Variants in RPE65 observed in about 807,000 individuals in gnomAD.
The protein encoded by RPE65 is retinoid isomerohydrolase RPE65, also known as retinoid isomerohydrolase.
A neutral mutation model predicts 68.5 loss-of-function variants in RPE65; 58 were observed. The observed-to-expected ratio is 0.85, with a 90% CI of 0.69 to 1.05. RPE65 has a LOEUF of 1.05. Among genes scored for constraint, RPE65 ranks in the 50% least tolerant of loss-of-function variants. RPE65 has a pLI of 0.00. For missense variants in RPE65, 643 were observed against 629.9 expected (o/e 1.02, Z -0.22); for synonymous variants, 220 against 222.2 (o/e 0.99, Z 0.09).
chr1:68,432,418 G>A (rs556633702), intron 10 of RPE65, among the ~76,000 whole-genome samples: 54 of 152,196 alleles, frequency 3.5e-4, no homozygotes, highest in African/African-American at 1.3e-3. Context: ...TAGATGGTTC[G>A]GGTAGGTCTC....
intron 10 of RPE65, among the ~76,000 whole-genome samples, chr1:68,433,179 TA>T (rs552990468): frequency 6.6e-6 from 1 of 152,252 alleles, no homozygotes; most frequent in South Asian, 2.1e-4. Flanking sequence ...GCTAAAAATG[TA>T]AATGAATAAG....
At chr1:68,443,015 A>G (rs1265233492) in intron 5 of RPE65, among the ~76,000 whole-genome samples, 3 of 152,102 alleles carry the variant, frequency 2.0e-5, no homozygotes, top group Non-Finnish European at 4.4e-5. Flanking sequence ...TCTCCCAGCT[A>G]TACTGTATCT....
At chr1:68,433,149 A>G (rs1328416499) in intron 10 of RPE65, among the ~76,000 whole-genome samples, 1 of 152,170 alleles carries the variant, frequency 6.6e-6, no homozygotes, top group African/African-American at 2.4e-5. Flanking sequence ...AGCAGGTAAG[A>G]ACCTTGAGTT....
In RPE65 at chr1:68,444,587, T is replaced by C; in HGVS notation, c.439A>G (p.Thr147Ala). The change falls in exon 5 of 14, where the codon ACA (threonine) becomes GCA (alanine). Residue 147 changes from threonine to alanine, a missense_variant. Coordinates refer to ENST00000262340, the MANE Select transcript of RPE65 (RefSeq NM_000329.3). ...YPVGEDYYACTETNFITKINP... is the reference protein window; with the variant it reads ...YPVGEDYYACAETNFITKINP... Reference sequence around the variant, plus strand: ...ATCTTTGTAATAAAGTTGGTCTCTGTGCAAGCGTAGTAATCTTCCCCCACT... The same window carrying C: ...ATCTTTGTAATAAAGTTGGTCTCTGCGCAAGCGTAGTAATCTTCCCCCACT... 6.2e-7 allele frequency: 1 copy of C among 1,614,180 alleles called. No homozygotes were observed.
rs2100827290 is a variant in RPE65, at chr1:68,444,471, T to G, written c.495+60A>C. 3 of 1,592,212 alleles carry G rather than the reference T, an allele frequency of 1.9e-6. No homozygotes were observed. In the Admixed American group the frequency reaches 5.0e-5, roughly 27 times the overall value. On this transcript the variant is annotated intron_variant, in intron 5 of 13. Transcript: ENST00000262340. ...CATTCGCAGCATGAATAATTTATGT[T>G]GAATTAATTTTAAGTTCCAAATTCT...
In RPE65 at chr1:68,439,196, T is replaced by G; in HGVS notation, c.853A>C (p.Met285Leu). 6.2e-7 allele frequency: 1 copy of G among 1,614,074 alleles called. No homozygotes were observed. Among genetic ancestry groups the G allele is most frequent in the Non-Finnish European group, 8.5e-7 (1 of 1,179,968 alleles). ...CAAATATATCTAAGACTTACCCCCA[T>G]GGTTTCATTGGACTCAAAACAATCC... ...YMDCFESNETMGVWLHIADKK... is the reference protein window; with the variant it reads ...YMDCFESNETLGVWLHIADKK... The change falls in exon 8 of 14, where the codon ATG becomes CTG. Residue 285 changes from methionine (M) to leucine (L), a missense_variant. Coordinates refer to ENST00000262340, the MANE Select transcript of RPE65 (RefSeq NM_000329.3).
rs990734859 is a variant in RPE65, at chr1:68,428,931, CAA to C, written c.*843_*844del. ...AATGTTAATAATTTAATATTTTTCC[CAA>C]GTGATTGCACAATGCTTAAATACAA... On this transcript the variant is annotated 3_prime_UTR_variant, in exon 14 of 14. Coordinates refer to ENST00000262340, the MANE Select transcript of RPE65 (RefSeq NM_000329.3). 2.6e-5 allele frequency: 4 copies of C among 151,896 alleles called. No individual in the cohort carries two copies. Among genetic ancestry groups the C allele is most frequent in the African/African-American group, 9.7e-5 (4 of 41,366 alleles). The allele number at this position is 151,896 out of a possible 1,614,324, so 9.4% of individuals were successfully genotyped here.
intron 6 of RPE65, 38 bp downstream of exon 6, chr1:68,440,815 A>G: frequency 6.2e-7 from 1 of 1,610,264 alleles, no homozygotes; most frequent in Non-Finnish European, 8.5e-7. Flanking sequence ...CACAATATAG[A>G]CACTTATTTT....
At chr1:68,430,957 G>A (rs546436424) in intron 13 of RPE65, 108 bp downstream of exon 13, 1 of 838,082 alleles carries the variant, frequency 1.2e-6, no homozygotes, top group East Asian at 2.6e-5. Flanking sequence ...TAGTATTAAG[G>A]ATCGTTTTTG....
rs183726660 is a variant in RPE65 at position 68,440,236 on chromosome 1, G to A, written c.644-594C>T. On this transcript the variant is annotated intron_variant, in intron 6 of 13. Coordinates refer to ENST00000262340, the MANE Select transcript of RPE65 (RefSeq NM_000329.3). ...TCCTAGGTGATGGTCTTGGTCCAAG[G>A]ACTACACTTTGAGAACTGTACTAAA... Among the ~76,000 whole-genome samples, 192 of 152,184 alleles carry A rather than the reference G, an allele frequency of 1.3e-3. No homozygotes were observed. The South Asian group carries it at 0.016, about 12-fold the overall frequency.
Position 68,431,052 on chromosome 1 carries a change from T to C in RPE65, c.1450+13A>G, listed in dbSNP as rs371783875. The C allele has an allele frequency of 5.6e-6, 9 of 1,599,772 alleles. No individual in the cohort carries two copies. Among genetic ancestry groups the C allele is most frequent in the South Asian group, 3.3e-5 (3 of 90,784 alleles). The stretch of plus-strand genomic sequence containing the variant: ...TAAGAAGAGTATTCAGACACAACAA[T>C]TGCTTTCATTACCATCATCTTCTTC... On this transcript the variant is annotated intron_variant, in intron 13 of 13. Transcript: ENST00000262340.
At chr1:68,443,938 T>C (rs557217664) in intron 5 of RPE65, among the ~76,000 whole-genome samples, 1 of 152,326 alleles carries the variant, frequency 6.6e-6, no homozygotes, top group African/African-American at 2.4e-5. Context: ...TTATTTCTAA[T>C]AAGAAGTATC....
rs780321185 is a variant in RPE65, at chr1:68,431,534, T to C, written c.1180A>G (p.Ile394Val). Reference sequence around the variant, plus strand: ...CAGATAGTCTCGTCACTGCACAGAATTGCAGTGGCAGTTGTATTGGGGAGC... The same window carrying C: ...CAGATAGTCTCGTCACTGCACAGAACTGCAGTGGCAGTTGTATTGGGGAGC... ...VTLPNTTATA[I>V]LCSDETIWLE... is the part of the protein sequence containing the mutation. The change falls in exon 11 of 14, where the codon ATT (isoleucine) becomes GTT (valine). Residue 394 changes from isoleucine (I) to valine (V), a missense_variant. Transcript: ENST00000262340. The C allele has an allele frequency of 3.1e-5, 50 of 1,613,936 alleles. No individual in the cohort carries two copies. The highest frequency in any genetic ancestry group is 4.1e-5 in the Non-Finnish European group (48 of 1,179,888).
chr1:68,449,686 G>C (rs529971430), intron 1 of RPE65, among the ~76,000 whole-genome samples: 3 of 151,996 alleles, frequency 2.0e-5, no homozygotes, highest in South Asian at 4.2e-4. Flanking sequence ...TCCAAACCCC[G>C]GGCTAAGTCA....
Position 68,439,011 on chromosome 1 carries a change from T to A in RPE65, c.929A>T (p.Asn310Ile). The change falls in exon 9 of 14, where the codon AAC becomes ATC. Residue 310 changes from asparagine (N) to isoleucine (I), a missense_variant. Physicochemically the swap from Asn to Ile is moderately radical, Grantham distance 149 (BLOSUM62 -3). Coordinates refer to ENST00000262340, the MANE Select transcript of RPE65 (RefSeq NM_000329.3). ...ATAGGTGTTGATGTGATGGAAGAGG[T>A]TGAAAGGAGAAGTTCTGTATTTATT... The part of the protein sequence containing the change: ...LNNKYRTSPF[N>I]LFHHINTYED... 1 of 1,614,026 alleles carries A rather than the reference T, an allele frequency of 6.2e-7. No homozygotes were observed. Among genetic ancestry groups the A allele is most frequent in the Non-Finnish European group, 8.5e-7 (1 of 1,179,954 alleles).
At position 68,431,578 on chromosome 1, in the gene RPE65, G is replaced by A; in HGVS notation, c.1136C>T (p.Thr379Ile). 6.2e-7 allele frequency: 1 copy of A among 1,613,372 alleles called. No individual in the cohort carries two copies. Among genetic ancestry groups the A allele is most frequent in the Non-Finnish European group, 8.5e-7 (1 of 1,179,482 alleles). The change falls in exon 11 of 14, where the codon ACA becomes ATA. Residue 379 changes from threonine (T) to isoleucine (I), a missense_variant. Thr to Ile is a moderately conservative substitution (Grantham distance 89). Transcript: ENST00000262340. ...VLPLNIDKADTGKNLVTLPNT... is the reference protein window; with the variant it reads ...VLPLNIDKADIGKNLVTLPNT... ...GGGGAGCGTGACTAAATTCTTGCCT[G>A]TGTCAGCCTAGGAGAGAAGATAACA...
chr1:68,444,669 A>C lies in RPE65; in HGVS notation c.357T>G (p.Phe119Leu). ...PDPCKNIFSR[F>L]FSYFRGVEVT... is the part of the protein sequence containing the mutation. ...CCTCTACTCCTCGAAAGTAAGAAAA[A>C]AACCTGTAGAAACAAATGAATTTTT... The change falls in exon 5 of 14, where the codon TTT becomes TTG. Residue 119 changes from phenylalanine (F) to leucine (L), a missense_variant. Physicochemically the swap from Phe to Leu is conservative, Grantham distance 22. Transcript: ENST00000262340. 6.2e-7 allele frequency: 1 copy of C among 1,614,200 alleles called. No individual in the cohort carries two copies. Among genetic ancestry groups the C allele is most frequent in the Non-Finnish European group, 8.5e-7 (1 of 1,180,032 alleles).
chr1:68,436,709 G>A (rs1645865757), intron 10 of RPE65, among the ~76,000 whole-genome samples: 2 of 151,874 alleles, frequency 1.3e-5, no homozygotes, highest in African/African-American at 4.8e-5. Flanking sequence ...CTCGGGTGAT[G>A]CACCCGCCTC....
intron 1 of RPE65, 113 bp from the exon 2 acceptor site, chr1:68,448,819 C>T (rs984291701): frequency 4.1e-6 from 2 of 482,576 alleles, no homozygotes; most frequent in African/African-American, 2.2e-5. Context: ...AGCCTGTTCA[C>T]TCCTGCCGGT....
Sources: gnomAD v4.1 joint callset for allele counts (sites outside exome capture counted in the v4.1 genomes callset) on GRCh38, gnomAD v4.1.1 for gene constraint, MANE v1.5 for transcripts, NCBI Gene and HGNC (gene_info 2026-07-23, HGNC 2026-07-21) for gene names.